The following IGSF5 variants were observed in gnomAD, a reference collection of about 807,000 sequenced individuals.
The protein encoded by IGSF5 is immunoglobulin superfamily 5 like.
Under a neutral mutation model 39.4 loss-of-function variants are expected in IGSF5, and 41 were observed. The ratio of observed to expected loss-of-function variants is 1.04; its 90% confidence interval spans 0.81 to 1.35. The LOEUF (loss-of-function observed/expected upper bound fraction) is 1.35. IGSF5 is among the 40% of genes most tolerant of loss of function. The pLI, the probability that IGSF5 is intolerant of heterozygous loss-of-function variation, is 0.00. For synonymous variants in IGSF5, 183 were observed against 175.3 expected (o/e 1.04, Z -0.34); for missense variants, 487 against 494.6 (o/e 0.98, Z 0.15).
chr21:39,733,983 A>T, the IGSF5 span, among the ~76,000 whole-genome samples: 22 of 152,160 alleles, frequency 1.4e-4, no homozygotes, highest in South Asian at 2.1e-4. Flanking sequence ...TTAATGAATT[A>T]CATCTGCAAT....
chr21:39,731,116 A>C, the IGSF5 span, among the ~76,000 whole-genome samples: 1 of 152,316 alleles, frequency 6.6e-6, no homozygotes, highest in Middle Eastern at 3.4e-3. Flanking sequence ...TGCATGGGCT[A>C]TCCTTTCCCA....
At position 39,766,291 on chromosome 21, in the gene IGSF5, C is replaced by T. The variant is rs138127435; in HGVS notation, c.418+439C>T. Among the ~76,000 whole-genome samples the T allele has an allele frequency of 8.7e-3, 1,331 of 152,164 alleles. 20 individuals are homozygous for T. Among genetic ancestry groups the T allele is most frequent in the African/African-American group, 0.03 (1,261 of 41,502 alleles). On this transcript the variant is annotated intron_variant, in intron 3 of 8. Coordinates refer to ENST00000380588, the MANE Select transcript of IGSF5 (RefSeq NM_001080444.2). ...GATTTTATCACTTCCCCTTTGAATC[C>T]ATTTTAGTATTTAACAGCCTTTCTG...
chr21:39,770,826 A>G, intron 3 of IGSF5, 90 bp from the exon 4 acceptor site: 1 of 1,015,812 alleles, frequency 9.8e-7, no homozygotes, highest in Non-Finnish European at 1.3e-6. Flanking sequence ...TTTGAAGCAA[A>G]ACTTAAAAAA....
chr21:39,788,226 C>T (rs1480223948), intron 6 of IGSF5, 38 bp downstream of exon 6: 1 of 1,465,584 alleles, frequency 6.8e-7, no homozygotes, highest in Non-Finnish European at 9.5e-7. Context: ...GAAAACAAAA[C>T]AAAAAAAATT....
the IGSF5 span, among the ~76,000 whole-genome samples, chr21:39,715,209 C>T: frequency 6.6e-6 from 1 of 152,148 alleles, no homozygotes; most frequent in Admixed American, 6.5e-5. Flanking sequence ...ACTCCACCTC[C>T]CTGGCTCAGG....
upstream of IGSF5, among the ~76,000 whole-genome samples, chr21:39,743,394 C>G (rs547663701): frequency 5.9e-5 from 9 of 152,340 alleles, no homozygotes; most frequent in South Asian, 1.5e-3. Context: ...TGTAAAACAT[C>G]AATATAGCCA....
the IGSF5 span, among the ~76,000 whole-genome samples, chr21:39,738,519 C>G: frequency 1.3e-5 from 2 of 152,162 alleles, no homozygotes; most frequent in African/African-American, 4.8e-5. This position sits in a 1 kb window ranked among gnomAD's most constrained non-coding sequence, Gnocchi z 6.4. Flanking sequence ...GGAGAAAAGG[C>G]ATACACATTT....
At chr21:39,747,572 T>A (rs2079981922) in intron 2 of IGSF5, among the ~76,000 whole-genome samples, 1 of 152,220 alleles carries the variant, frequency 6.6e-6, no homozygotes, top group African/African-American at 2.4e-5. Context: ...ACCTCCAAGT[T>A]AATAAGGATG....
chr21:39,800,108 T>C (rs1402868942), intron 8 of IGSF5, among the ~76,000 whole-genome samples: 3 of 152,142 alleles, frequency 2.0e-5, no homozygotes, highest in African/African-American at 7.2e-5. Flanking sequence ...CCTACTAAAA[T>C]AACCAATTAC....
chr21:39,737,102 C>T, the IGSF5 span, among the ~76,000 whole-genome samples: 3 of 152,058 alleles, frequency 2.0e-5, no homozygotes, highest in Non-Finnish European at 4.4e-5. Flanking sequence ...TATGTTGTCT[C>T]CCTGATCTGT....
intron 3 of IGSF5, among the ~76,000 whole-genome samples, chr21:39,768,035 C>G (rs2080095218): frequency 6.6e-6 from 1 of 152,218 alleles, no homozygotes; most frequent in Non-Finnish European, 1.5e-5. Context: ...CCCAAAGTCA[C>G]AAGTCTACAA....
chr21:39,759,368 T>C (rs1278069766), intron 2 of IGSF5, among the ~76,000 whole-genome samples: 1 of 152,204 alleles, frequency 6.6e-6, no homozygotes, highest in Non-Finnish European at 1.5e-5. Context: ...AACATTTGTT[T>C]GTAGAATGGA....
chr21:39,757,068 C>T (rs4816651), intron 2 of IGSF5, among the ~76,000 whole-genome samples: 123,628 of 151,358 alleles, frequency 0.82, 50,676 homozygotes, highest in Admixed American at 0.86. Flanking sequence ...AGTACCTGCT[C>T]TTTCCTCTGC....
At chr21:39,748,508 A>C (rs1158346477) in intron 2 of IGSF5, among the ~76,000 whole-genome samples, 1 of 151,606 alleles carries the variant, frequency 6.6e-6, no homozygotes, top group Non-Finnish European at 1.5e-5. Context: ...ACAGGGTTTC[A>C]CCATATTGGC....
chr21:39,741,975 T>G (rs907153038), upstream of IGSF5, among the ~76,000 whole-genome samples: 22 of 152,220 alleles, frequency 1.4e-4, no homozygotes, highest in Middle Eastern at 3.4e-3. Flanking sequence ...TACTAGGCCT[T>G]GGGCTTTTAG....
the IGSF5 span, among the ~76,000 whole-genome samples, chr21:39,711,884 A>G: frequency 6.6e-6 from 1 of 152,016 alleles, no homozygotes; most frequent in Non-Finnish European, 1.5e-5. Context: ...AGATGGTGAC[A>G]CCTTTTCTTG....
chr21:39,768,848 A>G (rs2146281560), intron 3 of IGSF5, among the ~76,000 whole-genome samples: 1 of 152,336 alleles, frequency 6.6e-6, no homozygotes, highest in South Asian at 2.1e-4. Context: ...AAGATCTTTC[A>G]GAGCCGACCC....
chr21:39,790,620 T>A (rs899228793), intron 6 of IGSF5, among the ~76,000 whole-genome samples: 2 of 152,152 alleles, frequency 1.3e-5, no homozygotes, highest in Non-Finnish European at 2.9e-5. Context: ...ATCACACCAC[T>A]GCACTCCAAC....
chr21:39,758,468 G>T (rs994859713), intron 2 of IGSF5, among the ~76,000 whole-genome samples: 1 of 152,096 alleles, frequency 6.6e-6, no homozygotes, highest in African/African-American at 2.4e-5. Context: ...ATTTCTATCT[G>T]GGCTTCGAGG....
Sources: allele counts gnomAD v4.1 joint callset (sites outside exome capture counted in the v4.1 genomes callset), GRCh38; gene constraint gnomAD v4.1.1; non-coding constraint Gnocchi (gnomAD v3.1); transcripts MANE v1.5; gene names NCBI Gene and HGNC (gene_info 2026-07-23, HGNC 2026-07-21).